The following ZNF385D variants were observed in gnomAD, a reference collection of about 807,000 sequenced individuals.
ZNF385D encodes zinc finger protein 659.
In ZNF385D, 15 loss-of-function variants were observed where a neutral mutation model predicts 35.8. That is an observed-to-expected ratio of 0.42 (90% confidence interval 0.28 to 0.64). ZNF385D has a LOEUF of 0.64. Among genes scored for constraint, ZNF385D ranks in the 30% least tolerant of loss-of-function variants. ZNF385D has a pLI of 0.23. For missense variants in ZNF385D, 474 were observed against 494.6 expected (o/e 0.96, Z 0.39); for synonymous variants, 212 against 186.8 (o/e 1.13, Z -1.10).
intron 2 of ZNF385D, among the ~76,000 whole-genome samples, chr3:22,235,863 T>C (rs1576541664): frequency 6.6e-6 from 1 of 152,094 alleles, no homozygotes; most frequent in South Asian, 2.1e-4. Flanking sequence ...TTTAAAAAAG[T>C]GCCCAGATTC....
intron 2 of ZNF385D, among the ~76,000 whole-genome samples, chr3:22,317,622 A>T (rs1292765247): frequency 6.6e-6 from 1 of 152,078 alleles, no homozygotes; most frequent in Non-Finnish European, 1.5e-5. Flanking sequence ...AATTTTCTAC[A>T]TTCCCCATCC....
chr3:21,918,354 T>G (rs1194094983), intron 3 of ZNF385D, among the ~76,000 whole-genome samples: 1 of 152,202 alleles, frequency 6.6e-6, no homozygotes, highest in Non-Finnish European at 1.5e-5. Context: ...ATACTCCACT[T>G]TAAAGTGGAA....
At chr3:22,106,921 A>T (rs1702244119) in intron 3 of ZNF385D, among the ~76,000 whole-genome samples, 3 of 151,364 alleles carry the variant, frequency 2.0e-5, no homozygotes, top group Non-Finnish European at 4.4e-5. Flanking sequence ...CTTGCTAGTT[A>T]TGGTTAGTTG....
intron 3 of ZNF385D, among the ~76,000 whole-genome samples, chr3:22,063,615 G>A (rs1452169348): frequency 6.6e-6 from 1 of 152,136 alleles, no homozygotes; most frequent in Non-Finnish European, 1.5e-5. Flanking sequence ...TATTTGTAGA[G>A]GATGCTGTGC....
intron 1 of ZNF385D, among the ~76,000 whole-genome samples, chr3:21,699,327 G>A (rs528638530): frequency 1.5e-3 from 234 of 152,026 alleles, no homozygotes; most frequent in Middle Eastern, 6.8e-3. Context: ...ATCACACACC[G>A]GGGCCTGTCA....
intron 2 of ZNF385D, among the ~76,000 whole-genome samples, chr3:22,188,534 C>G (rs1695796665): frequency 6.6e-6 from 1 of 152,024 alleles, no homozygotes; most frequent in Non-Finnish European, 1.5e-5. Context: ...ACTGCAAGCT[C>G]CGCTTCCCAG....
At chr3:22,344,702 A>G (rs1434439531) in intron 2 of ZNF385D, among the ~76,000 whole-genome samples, 1 of 152,158 alleles carries the variant, frequency 6.6e-6, no homozygotes, top group Non-Finnish European at 1.5e-5. Flanking sequence ...GACTACAGGC[A>G]TGAGCCACTG....
chr3:21,847,203 T>C lies in ZNF385D; in HGVS notation c.326-182175A>G, dbSNP rs556801495. Among the ~76,000 whole-genome samples, 18 of 151,218 alleles carry C rather than the reference T, an allele frequency of 1.2e-4. No individual in the cohort carries two copies. In the South Asian group the frequency reaches 3.5e-3, roughly 30 times the overall value. ...GATGAGTCATATATTTTATGAGTCA[T>C]GGTACCAAAAAACCCTGAATGAATA... On this transcript the variant is annotated intron_variant, in intron 3 of 5. Coordinates refer to the ZNF385D transcript ENST00000494108.
At chr3:22,255,555 G>C (rs1041248979) in intron 2 of ZNF385D, among the ~76,000 whole-genome samples, 1 of 151,712 alleles carries the variant, frequency 6.6e-6, no homozygotes, top group Middle Eastern at 3.4e-3. Context: ...TCAAAGACTT[G>C]TAAAGTTTTT....
chr3:22,362,388 C>A (rs1378610313), intron 2 of ZNF385D, among the ~76,000 whole-genome samples: 1 of 152,016 alleles, frequency 6.6e-6, no homozygotes, highest in Admixed American at 6.6e-5. Context: ...ACAGATCCAA[C>A]TGTTCACCAA....
At chr3:21,856,708 G>T (rs1559695548) in intron 3 of ZNF385D, among the ~76,000 whole-genome samples, 1 of 151,908 alleles carries the variant, frequency 6.6e-6, no homozygotes, top group Non-Finnish European at 1.5e-5. Context: ...ATTATTGCAG[G>T]GTATTTCTAA....
chr3:21,732,030 GTT>G (rs1214143626), intron 1 of ZNF385D, among the ~76,000 whole-genome samples: 3 of 37,370 alleles, frequency 8.0e-5, no homozygotes, highest in Non-Finnish European at 1.7e-4. Flanking sequence ...TTTTTTCGGG[GTT>G]TTTTTTTTTT....
At chr3:21,953,029 C>A (rs114951245) in intron 3 of ZNF385D, among the ~76,000 whole-genome samples, 1 of 151,964 alleles carries the variant, frequency 6.6e-6, no homozygotes, top group Non-Finnish European at 1.5e-5. Context: ...TTGCAGGTAT[C>A]TAGTTTCTTT....
Position 21,601,314 on chromosome 3 carries a change from C to G in ZNF385D, c.166-36630G>C, listed in dbSNP as rs2064283353. Among the ~76,000 whole-genome samples, 3 of 152,252 alleles carry G rather than the reference C, an allele frequency of 2.0e-5. No individual in the cohort carries two copies. In the South Asian group the frequency reaches 6.2e-4, roughly 32 times the overall value. ...CAGATCTGAATTCTTCCTGCTGACT[C>G]ATTTGCATGAATGAAGTAAAACAGT... is the stretch of plus-strand genomic sequence containing the variant. On this transcript the variant is annotated intron_variant, in intron 2 of 7. Transcript: ENST00000281523.
intron 2 of ZNF385D, among the ~76,000 whole-genome samples, chr3:22,288,061 A>G (rs111741245): frequency 6.7e-6 from 1 of 149,068 alleles, no homozygotes; most frequent in Non-Finnish European, 1.5e-5. Flanking sequence ...TTTTTCTCTC[A>G]GTATTCTGAA....
chr3:21,819,217 GAACA>G (rs1205514371), intron 3 of ZNF385D, among the ~76,000 whole-genome samples: 1 of 151,576 alleles, frequency 6.6e-6, no homozygotes, highest in Non-Finnish European at 1.5e-5. Context: ...AAAGAAAGCA[GAACA>G]AATAAAAGGC....
chr3:21,528,205 A>G (rs1421958579), intron 3 of ZNF385D, among the ~76,000 whole-genome samples: 1 of 152,196 alleles, frequency 6.6e-6, no homozygotes, highest in African/African-American at 2.4e-5. Context: ...ATGAAATAGA[A>G]GTATTTTTCT....
intron 3 of ZNF385D, among the ~76,000 whole-genome samples, chr3:22,085,295 G>GT (rs1700970587): frequency 1.3e-5 from 2 of 152,072 alleles, no homozygotes; most frequent in Admixed American, 1.3e-4. Flanking sequence ...CCAGAAGCTG[G>GT]TTTTTTGAAA....
At chr3:21,798,014 G>T (rs552685063) in intron 3 of ZNF385D, among the ~76,000 whole-genome samples, 1 of 152,294 alleles carries the variant, frequency 6.6e-6, no homozygotes, top group South Asian at 2.1e-4. Context: ...TAGTGCTGTA[G>T]TGTAAACTAT....
Sources: gnomAD v4.1 joint callset for allele counts (sites outside exome capture counted in the v4.1 genomes callset) on GRCh38, gnomAD v4.1.1 for gene constraint, MANE v1.5 for transcripts, NCBI Gene and HGNC (gene_info 2026-07-23, HGNC 2026-07-21) for gene names.